The following CNTN5 variants were observed in gnomAD, a reference collection of about 807,000 sequenced individuals.
CNTN5 encodes contactin 5.
CNTN5 carries 77 observed loss-of-function variants against 129.1 expected under a neutral mutation model. The ratio of observed to expected loss-of-function variants is 0.60; its 90% CI spans 0.50 to 0.72. The LOEUF (loss-of-function observed/expected upper bound fraction) is 0.72, where lower values mean the gene tolerates loss of function less well. Ranked by LOEUF, CNTN5 falls within the 30% of genes least tolerant of loss-of-function variation. The pLI, the probability that CNTN5 is intolerant of heterozygous loss-of-function variation, is 0.00. For missense variants in CNTN5, 1,478 were observed against 1,328.8 expected, an observed-to-expected ratio of 1.11 and a Z score of -1.75; for synonymous variants, 509 against 465.6, an observed-to-expected ratio of 1.09 and a Z score of -1.20.
In CNTN5 at chr11:99,662,605, T is replaced by C. The variant is rs956354572; in HGVS notation, c.55+106336T>C. ...TTAAAGGAATAGATTAAGAATCTGA[T>C]GTAATAATGACAGTAATAAACCTTT... is the stretch of plus-strand genomic sequence containing the variant. On this transcript the variant is annotated intron_variant, in intron 3 of 24. Transcript: ENST00000524871. Among the ~76,000 whole-genome samples the C allele has an allele frequency of 4.6e-5, 7 of 152,192 alleles. 1 individual carries two copies. The highest frequency in any genetic ancestry group is 4.6e-4 in the Admixed American group (7 of 15,268).
intron 3 of CNTN5, among the ~76,000 whole-genome samples, chr11:99,601,825 CT>C (rs1296602413): frequency 6.6e-6 from 1 of 152,108 alleles, no homozygotes; most frequent in Non-Finnish European, 1.5e-5. Flanking sequence ...ACTGTGTATG[CT>C]TTTTTACATT....
intron 15 of CNTN5, among the ~76,000 whole-genome samples, chr11:100,220,488 A>G (rs1312555209): frequency 2.6e-5 from 4 of 152,274 alleles, no homozygotes; most frequent in Middle Eastern, 6.8e-3. Flanking sequence ...TAAGACAGAA[A>G]GGATGTGAGG....
chr11:100,107,030 A>C (rs12283598), intron 13 of CNTN5, among the ~76,000 whole-genome samples: 1,721 of 152,320 alleles, frequency 0.011, 37 homozygotes, highest in African/African-American at 0.039. Context: ...TTTATGCCTA[A>C]ATCTAAAAGT....
At chr11:100,210,018 A>G (rs888446625) in intron 15 of CNTN5, among the ~76,000 whole-genome samples, 1 of 150,216 alleles carries the variant, frequency 6.7e-6, no homozygotes, top group Non-Finnish European at 1.5e-5. Flanking sequence ...ACAGTAGGTT[A>G]ATCTAAGAAA....
intron 9 of CNTN5, among the ~76,000 whole-genome samples, chr11:100,023,842 A>T (rs940862371): frequency 2.0e-5 from 3 of 150,396 alleles, no homozygotes; most frequent in Non-Finnish European, 3.0e-5. Context: ...TTGATAGCTA[A>T]TTTTTTTTTT....
intron 2 of CNTN5, among the ~76,000 whole-genome samples, chr11:99,486,394 T>G (rs925162975): frequency 6.6e-6 from 1 of 152,138 alleles, no homozygotes; most frequent in Admixed American, 6.5e-5. Context: ...AATCTTTGTA[T>G]CCAAGCATAG....
chr11:100,038,359 A>C (rs1942155796), intron 9 of CNTN5, among the ~76,000 whole-genome samples: 2 of 152,116 alleles, frequency 1.3e-5, no homozygotes, highest in Non-Finnish European at 2.9e-5. Context: ...CTGTTCTTTT[A>C]CATTTGCTGA....
chr11:99,287,266 G>A (rs73000256), intron 1 of CNTN5, among the ~76,000 whole-genome samples: 1 of 152,206 alleles, frequency 6.6e-6, no homozygotes, highest in Non-Finnish European at 1.5e-5. Flanking sequence ...ATTTAATGAA[G>A]CTGAAATAGT....
chr11:99,414,458 T>G (rs1462317278), intron 2 of CNTN5, among the ~76,000 whole-genome samples: 1 of 151,932 alleles, frequency 6.6e-6, no homozygotes, highest in South Asian at 2.1e-4. Flanking sequence ...TATGTGTGTA[T>G]GTATGCAGAA....
chr11:99,204,646 G>T (rs1210618922), intron 1 of CNTN5, among the ~76,000 whole-genome samples: 4 of 152,150 alleles, frequency 2.6e-5, no homozygotes, highest in Admixed American at 1.3e-4. Flanking sequence ...AGTGTGCAAT[G>T]GAAGAGCTTA....
At chr11:99,418,591 A>G (rs1942762062) in intron 2 of CNTN5, among the ~76,000 whole-genome samples, 1 of 152,196 alleles carries the variant, frequency 6.6e-6, no homozygotes, top group East Asian at 1.9e-4. Context: ...TTCGGTACAG[A>G]CAATGATTTC....
intron 1 of CNTN5, among the ~76,000 whole-genome samples, chr11:99,040,253 A>G (rs925972985): frequency 6.6e-6 from 1 of 152,118 alleles, no homozygotes; most frequent in African/African-American, 2.4e-5. Context: ...TAGAACCAAA[A>G]GCATTTTGTC....
chr11:100,072,006 G>A (rs1339354871), intron 12 of CNTN5, among the ~76,000 whole-genome samples, 172 bp downstream of exon 12: 1 of 151,868 alleles, frequency 6.6e-6, no homozygotes, highest in Non-Finnish European at 1.5e-5. Flanking sequence ...GGTTTATGTT[G>A]TGTATAGTTC....
chr11:99,705,013 C>G (rs556546804), intron 3 of CNTN5, among the ~76,000 whole-genome samples: 5 of 151,414 alleles, frequency 3.3e-5, no homozygotes, highest in Admixed American at 2.0e-4. Flanking sequence ...CTGCTTTTGG[C>G]ATTACCTGTG....
intron 2 of CNTN5, among the ~76,000 whole-genome samples, chr11:99,337,607 C>T (rs1346328213): frequency 1.3e-5 from 2 of 152,116 alleles, no homozygotes; most frequent in Non-Finnish European, 2.9e-5. Context: ...TCCCGTAAAC[C>T]CACAACCTTC....
At chr11:100,080,491 G>C (rs183821401) in intron 13 of CNTN5, among the ~76,000 whole-genome samples, 8 of 152,244 alleles carry the variant, frequency 5.3e-5, no homozygotes, top group Admixed American at 1.3e-4. Context: ...AGGCAACAAT[G>C]ATGAAGCTCA....
In CNTN5 at chr11:100,102,931, C is replaced by G. The variant is rs377107311; in HGVS notation, c.1580+28637C>G. Among the ~76,000 whole-genome samples, 40 of 152,240 alleles carry G rather than the reference C, an allele frequency of 2.6e-4. 1 individual carries two copies. In the South Asian group the frequency reaches 7.9e-3, roughly 30 times the overall value. On this transcript the variant is annotated intron_variant, in intron 13 of 24. Coordinates refer to ENST00000524871, the MANE Select transcript of CNTN5 (RefSeq NM_014361.4). ...ATAGAACAAGGGAATCTTTAAGGGT[C>G]ATCTTACTCTCACCCAATATGAGAA...
intron 1 of CNTN5, among the ~76,000 whole-genome samples, chr11:99,143,212 A>C (rs1252048673): frequency 6.6e-6 from 1 of 151,744 alleles, no homozygotes; most frequent in Non-Finnish European, 1.5e-5. Flanking sequence ...ATACAGCTGT[A>C]AAACACTCTA....
At position 99,619,004 on chromosome 11, in the gene CNTN5, T is replaced by C. The variant is rs927409832; in HGVS notation, c.55+62735T>C. ...TTCACATGCCAAATGCACATCTAGA[T>C]CATGTAGTGAATAAAATAATAGACA... is the stretch of plus-strand genomic sequence containing the variant. On this transcript the variant is annotated intron_variant, in intron 3 of 24. Coordinates refer to ENST00000524871, the MANE Select transcript of CNTN5 (RefSeq NM_014361.4). Among the ~76,000 whole-genome samples, 5 of 152,130 alleles carry C rather than the reference T, an allele frequency of 3.3e-5. No homozygotes were observed. In the East Asian group the frequency reaches 9.6e-4, roughly 29 times the overall value.
Sources: allele counts gnomAD v4.1 joint callset (sites outside exome capture counted in the v4.1 genomes callset), GRCh38; gene constraint gnomAD v4.1.1; transcripts MANE v1.5; gene names NCBI Gene and HGNC (gene_info 2026-07-23, HGNC 2026-07-21).